Variants in ATG10 observed in about 807,000 individuals in gnomAD.
ATG10 encodes the protein autophagy related 10.
In ATG10, 30 loss-of-function variants were observed where a neutral mutation model predicts 32.1. The ratio of observed to expected loss-of-function variants is 0.94; its 90% confidence interval spans 0.70 to 1.27. The LOEUF is 1.27. ATG10 is among the 50% of genes most tolerant of loss of function. The pLI is 0.00. For missense variants in ATG10, 233 were observed against 262.3 expected, an observed-to-expected ratio of 0.89 and a Z score of 0.77; for synonymous variants, 87 against 91.5, an observed-to-expected ratio of 0.95 and a Z score of 0.28.
At chr5:82,170,674 G>A (rs1285672486) in intron 4 of ATG10, among the ~76,000 whole-genome samples, 2 of 152,076 alleles carry the variant, frequency 1.3e-5, no homozygotes, top group African/African-American at 2.4e-5. Context: ...GGCAGGGCGC[G>A]GTGGCTCACA....
intron 3 of ATG10, among the ~76,000 whole-genome samples, chr5:82,106,224 T>C (rs1046626676): frequency 3.9e-5 from 6 of 152,180 alleles, no homozygotes; most frequent in African/African-American, 1.4e-4. Context: ...TTTTTAAAAA[T>C]GGCATTGAAA....
chr5:81,983,350 T>C (rs1187868814), intron 1 of ATG10, among the ~76,000 whole-genome samples: 1 of 133,714 alleles, frequency 7.5e-6, no homozygotes, highest in Non-Finnish European at 1.6e-5. Flanking sequence ...CACTTCCCAG[T>C]AGGGGCGGCC....
intron 3 of ATG10, among the ~76,000 whole-genome samples, chr5:82,096,563 T>C (rs904653717): frequency 6.6e-6 from 1 of 152,150 alleles, no homozygotes; most frequent in Non-Finnish European, 1.5e-5. Flanking sequence ...CTCTGAGGTA[T>C]AGAAAGAAGG....
intron 5 of ATG10, among the ~76,000 whole-genome samples, chr5:82,185,474 TAG>T (rs1744413184): frequency 6.6e-6 from 1 of 152,222 alleles, no homozygotes; most frequent in Non-Finnish European, 1.5e-5. Flanking sequence ...CAGAGTGGAA[TAG>T]GAGAAGCCTG....
intron 2 of ATG10, among the ~76,000 whole-genome samples, chr5:82,004,788 G>A (rs1215383957): frequency 1.3e-5 from 2 of 152,072 alleles, no homozygotes; most frequent in Admixed American, 6.6e-5. Flanking sequence ...TGCTATGAAC[G>A]TTTCTAAGTG....
chr5:82,025,518 G>T (rs1047712133), intron 2 of ATG10, among the ~76,000 whole-genome samples: 4 of 152,152 alleles, frequency 2.6e-5, no homozygotes, highest in African/African-American at 7.2e-5. Context: ...CTGAGCCTGG[G>T]GGAGATAGGA....
intron 3 of ATG10, among the ~76,000 whole-genome samples, chr5:82,101,613 G>C (rs1173607262): frequency 6.6e-6 from 1 of 152,160 alleles, no homozygotes; most frequent in Non-Finnish European, 1.5e-5. Context: ...AAGTTAAAAA[G>C]AGTTACATTT....
At chr5:82,232,871 C>A (rs1199507074) in intron 5 of ATG10, among the ~76,000 whole-genome samples, 3 of 152,154 alleles carry the variant, frequency 2.0e-5, no homozygotes, top group Admixed American at 1.3e-4. Context: ...GGCTATCAAG[C>A]CACTGGACTC....
intron 2 of ATG10, among the ~76,000 whole-genome samples, chr5:81,989,912 A>T (rs1352694916): frequency 6.6e-6 from 1 of 151,442 alleles, no homozygotes; most frequent in African/African-American, 2.4e-5. Flanking sequence ...TATTCATCTT[A>T]TTTTTTCTAT....
At chr5:82,140,027 C>A (rs1451710010) in intron 3 of ATG10, among the ~76,000 whole-genome samples, 13 of 125,836 alleles carry the variant, frequency 1.0e-4, no homozygotes, top group African/African-American at 3.4e-4. Flanking sequence ...AAGTGAGGAG[C>A]CCCTCTGCCC....
chr5:82,111,845 C>T (rs1765631300), intron 3 of ATG10, among the ~76,000 whole-genome samples: 1 of 151,784 alleles, frequency 6.6e-6, no homozygotes, highest in South Asian at 2.1e-4. Flanking sequence ...TGTGAAAGGA[C>T]AAATTACAAT....
intron 2 of ATG10, among the ~76,000 whole-genome samples, chr5:81,997,242 T>G (rs1285883802): frequency 6.6e-6 from 1 of 152,184 alleles, no homozygotes; most frequent in African/African-American, 2.4e-5. Context: ...CATCACCCAT[T>G]GGAGTGTTGT....
At chr5:82,012,964 CTTTT>C (rs1327668079) in intron 2 of ATG10, among the ~76,000 whole-genome samples, 4 of 137,862 alleles carry the variant, frequency 2.9e-5, no homozygotes, top group Non-Finnish European at 1.6e-5. Context: ...TTCTTTCATT[CTTTT>C]TTTTTTTTTT....
At chr5:82,046,614 T>G (rs1763243975) in intron 2 of ATG10, among the ~76,000 whole-genome samples, 2 of 152,236 alleles carry the variant, frequency 1.3e-5, no homozygotes, top group Admixed American at 1.3e-4. Context: ...GAGGCCTTTG[T>G]CACTTCCCCT....
intron 5 of ATG10, among the ~76,000 whole-genome samples, chr5:82,183,122 A>G (rs962269619): frequency 1.6e-5 from 2 of 121,730 alleles, no homozygotes; most frequent in Non-Finnish European, 3.5e-5. Flanking sequence ...TAAGGACTCA[A>G]AAAAAACATA....
At chr5:82,006,210 T>C (rs1021369055) in intron 2 of ATG10, among the ~76,000 whole-genome samples, 27 of 152,336 alleles carry the variant, frequency 1.8e-4, no homozygotes, top group African/African-American at 6.5e-4. Context: ...AAAATCTCCA[T>C]ATTTTACTGT....
At chr5:82,133,165 A>G (rs983793530) in intron 3 of ATG10, among the ~76,000 whole-genome samples, 3 of 151,966 alleles carry the variant, frequency 2.0e-5, no homozygotes, top group Non-Finnish European at 4.4e-5. Context: ...GATTGCAAAA[A>G]TTTTCTCCCA....
intron 2 of ATG10, among the ~76,000 whole-genome samples, chr5:82,016,925 C>T (rs1190268311): frequency 6.6e-6 from 1 of 152,028 alleles, no homozygotes; most frequent in Non-Finnish European, 1.5e-5. Context: ...CTCCTGACCT[C>T]GTGATCCGCG....
At chr5:82,167,454 G>A (rs535152261) in intron 4 of ATG10, among the ~76,000 whole-genome samples, 114 of 152,232 alleles carry the variant, frequency 7.5e-4, no homozygotes, top group African/African-American at 2.6e-3. Flanking sequence ...CGATAAAGAA[G>A]AATTTCTAGT....
Sources: gnomAD v4.1 joint callset for allele counts (sites outside exome capture counted in the v4.1 genomes callset) on GRCh38, gnomAD v4.1.1 for gene constraint, MANE v1.5 for transcripts, NCBI Gene and HGNC (gene_info 2026-07-23, HGNC 2026-07-21) for gene names.